Variants in TNFRSF19 observed in about 807,000 individuals in gnomAD.
TNFRSF19 encodes tumor necrosis factor receptor superfamily member 19.
Under a neutral mutation model 46.4 loss-of-function variants are expected in TNFRSF19, and 27 were observed. The observed-to-expected ratio is 0.58, with a 90% CI of 0.43 to 0.80. The LOEUF (loss-of-function observed/expected upper bound fraction) is 0.80, where lower values mean the gene tolerates loss of function less well. Ranked by LOEUF, TNFRSF19 falls within the 30% of genes least tolerant of loss-of-function variation. The pLI is 0.00. For missense variants in TNFRSF19, 511 were observed against 530.8 expected (o/e 0.96, Z 0.37); for synonymous variants, 204 against 205.0 (o/e 1.00, Z 0.04).
At chr13:23,593,065 C>A (rs1408537146) in intron 2 of TNFRSF19, among the ~76,000 whole-genome samples, 2 of 151,752 alleles carry the variant, frequency 1.3e-5, no homozygotes, top group African/African-American at 4.8e-5. Flanking sequence ...CAGAGGGTAT[C>A]TGAGGAGGAT....
Position 23,676,024 on chromosome 13 carries a change from T to C in TNFRSF19, c.*2644T>C, listed in dbSNP as rs561295839. The C allele has an allele frequency of 6.6e-6, 1 of 152,360 alleles. No individual in the cohort carries two copies. Among genetic ancestry groups the C allele is most frequent in the Non-Finnish European group, 1.5e-5 (1 of 68,026 alleles). The allele number at this position is 152,360 out of a possible 1,614,324, so 9.4% of individuals were successfully genotyped here. A position where few individuals can be genotyped will look rare whatever the true frequency, so the allele number is the denominator to read the frequency against. On this transcript the variant is annotated 3_prime_UTR_variant, in exon 10 of 10. Coordinates refer to ENST00000248484, the MANE Select transcript of TNFRSF19 (RefSeq NM_148957.4). ...TTGCATACTGGAATTTATAAATGTG[T>C]AAATTATCATTTTCTTAGTTTTGTA...
chr13:23,621,908 A>G (rs1289067878), intron 4 of TNFRSF19, among the ~76,000 whole-genome samples: 1 of 152,024 alleles, frequency 6.6e-6, no homozygotes, highest in Non-Finnish European at 1.5e-5. Flanking sequence ...CCAAGATCGC[A>G]CCACTGCACT....
chr13:23,600,389 G>T (rs527879350), intron 3 of TNFRSF19, among the ~76,000 whole-genome samples: 1 of 152,126 alleles, frequency 6.6e-6, no homozygotes, highest in Non-Finnish European at 1.5e-5. Flanking sequence ...TTGACAGCCT[G>T]CTGTAGCCTA....
chr13:23,646,734 G>A (rs936526721), intron 5 of TNFRSF19, among the ~76,000 whole-genome samples: 1 of 152,192 alleles, frequency 6.6e-6, no homozygotes, highest in African/African-American at 2.4e-5. Flanking sequence ...TGTGAATAAT[G>A]CTGCTATGAA....
intron 3 of TNFRSF19, among the ~76,000 whole-genome samples, chr13:23,598,346 G>T (rs913480028): frequency 6.6e-6 from 1 of 152,010 alleles, no homozygotes; most frequent in Non-Finnish European, 1.5e-5. Flanking sequence ...TAACAAACCT[G>T]CACGTTCTGC....
rs553352393 is a variant in TNFRSF19 at position 23,585,497 on chromosome 13, G to A, written c.-34-4653G>A. The A allele has an allele frequency of 4.6e-5, 7 of 152,300 alleles. No individual in the cohort carries two copies. In the East Asian group the frequency reaches 1.2e-3, roughly 25 times the overall value. The allele number at this position is 152,300 out of a possible 1,614,324, so 9.4% of individuals were successfully genotyped here. A position where few individuals can be genotyped will look rare whatever the true frequency, so the allele number is the denominator to read the frequency against. On this transcript the variant is annotated intron_variant, in intron 1 of 9. Transcript: ENST00000248484. ...TAGAGCACTACCTTCAAGAAATGGG[G>A]TTCTGACCTGGATTTGTGCTACCAC...
chr13:23,596,511 G>A (rs948541478), intron 3 of TNFRSF19, among the ~76,000 whole-genome samples: 4 of 152,124 alleles, frequency 2.6e-5, no homozygotes, highest in Non-Finnish European at 5.9e-5. Flanking sequence ...TTACATAATG[G>A]TATAAGGGAT....
intron 3 of TNFRSF19, among the ~76,000 whole-genome samples, chr13:23,612,952 G>T (rs754427515): frequency 6.6e-6 from 1 of 152,172 alleles, no homozygotes; most frequent in Non-Finnish European, 1.5e-5. Context: ...TGACTGACTG[G>T]CAGGAACGCA....
At chr13:23,611,476 G>T (rs546841294) in intron 3 of TNFRSF19, among the ~76,000 whole-genome samples, 20 of 152,270 alleles carry the variant, frequency 1.3e-4, no homozygotes, top group Non-Finnish European at 2.4e-4. Flanking sequence ...GATGGTGAGG[G>T]TTGAGGAACC....
Position 23,611,970 on chromosome 13 carries a change from T to C in TNFRSF19, c.181-3897T>C, listed in dbSNP as rs1880937607. Among the ~76,000 whole-genome samples the C allele has an allele frequency of 2.0e-5, 3 of 152,164 alleles. No homozygotes were observed. The South Asian group carries it at 6.2e-4, about 32-fold the overall frequency. ...TAGTTGCAGAACAGTGTTAAATACATGCACTCACGCTAGGAGGATATTTTT... is the reference window on the plus strand; with the variant it reads ...TAGTTGCAGAACAGTGTTAAATACACGCACTCACGCTAGGAGGATATTTTT... On this transcript the variant is annotated intron_variant, in intron 3 of 9. Transcript: ENST00000248484.
chr13:23,612,887 G>A (rs555824536), intron 3 of TNFRSF19, among the ~76,000 whole-genome samples: 1 of 152,306 alleles, frequency 6.6e-6, no homozygotes, highest in Non-Finnish European at 1.5e-5. Context: ...CAGTTTCTCA[G>A]TGGAGGGAGG....
intron 5 of TNFRSF19, among the ~76,000 whole-genome samples, chr13:23,627,106 C>T (rs1882064494): frequency 6.6e-6 from 1 of 152,170 alleles, no homozygotes; most frequent in Non-Finnish European, 1.5e-5. Flanking sequence ...AGGCGGCTCA[C>T]ATCCTCACTC....
chr13:23,634,761 AGGT>A (rs757219476), intron 5 of TNFRSF19, among the ~76,000 whole-genome samples: 11 of 152,270 alleles, frequency 7.2e-5, no homozygotes, highest in Non-Finnish European at 1.3e-4. Flanking sequence ...CACCCTCTTG[AGGT>A]GGCATGTGAG....
intron 5 of TNFRSF19, among the ~76,000 whole-genome samples, chr13:23,627,944 T>C (rs1030963646): frequency 1.3e-5 from 2 of 152,244 alleles, no homozygotes; most frequent in African/African-American, 4.8e-5. Flanking sequence ...TTTTCTTTTA[T>C]AGAAAACATA....
At chr13:23,602,868 AG>A in intron 3 of TNFRSF19, among the ~76,000 whole-genome samples, 1 of 152,210 alleles carries the variant, frequency 6.6e-6, no homozygotes, top group South Asian at 2.1e-4. Context: ...ACCAGTGCTC[AG>A]GGGGTACTGA....
At chr13:23,574,235 A>G (rs2138129256) in intron 1 of TNFRSF19, among the ~76,000 whole-genome samples, 1 of 152,198 alleles carries the variant, frequency 6.6e-6, no homozygotes, top group East Asian at 1.9e-4. Context: ...TACTAACATG[A>G]CCTAATATTT....
intron 3 of TNFRSF19, among the ~76,000 whole-genome samples, chr13:23,614,262 A>G (rs73446497): frequency 0.053 from 8,044 of 152,234 alleles, 695 homozygotes; most frequent in African/African-American, 0.18. Flanking sequence ...GAAAGAAAGT[A>G]TCACTCACCC....
At chr13:23,600,323 ACTG>A (rs1880043573) in intron 3 of TNFRSF19, among the ~76,000 whole-genome samples, 1 of 152,106 alleles carries the variant, frequency 6.6e-6, no homozygotes, top group African/African-American at 2.4e-5. Context: ...ATCACAATAC[ACTG>A]CTGCAGAAGC....
At chr13:23,663,591 G>A (rs1286052138) in intron 7 of TNFRSF19, among the ~76,000 whole-genome samples, 1 of 152,138 alleles carries the variant, frequency 6.6e-6, no homozygotes, top group East Asian at 1.9e-4. Flanking sequence ...AATGGTACCA[G>A]CTCTTCTTTG....
Sources: gnomAD v4.1 joint callset for allele counts (sites outside exome capture counted in the v4.1 genomes callset) on GRCh38, gnomAD v4.1.1 for gene constraint, MANE v1.5 for transcripts, NCBI Gene and HGNC (gene_info 2026-07-23, HGNC 2026-07-21) for gene names.